Variants in CPNE4 observed in about 807,000 individuals in gnomAD.
The protein encoded by CPNE4 is copine-4.
Under a neutral mutation model 67.9 loss-of-function variants are expected in CPNE4, and 25 were observed. The ratio of observed to expected loss-of-function variants is 0.37; its 90% CI spans 0.27 to 0.51. The LOEUF is 0.51. Among genes scored for constraint, CPNE4 ranks in the 20% least tolerant of loss-of-function variants. The pLI is 0.93. For synonymous variants in CPNE4, 242 were observed against 244.9 expected, an observed-to-expected ratio of 0.99 and a Z score of 0.11; for missense variants, 464 against 690.8, an observed-to-expected ratio of 0.67 and a Z score of 3.68.
Position 131,905,522 on chromosome 3 carries a change from A to T in CPNE4, c.-1-78T>A, listed in dbSNP as rs187581734. 2.3e-6 allele frequency: 3 copies of T among 1,310,416 alleles called. No individual in the cohort carries two copies. In the Admixed American group the frequency reaches 7.7e-5, roughly 34 times the overall value. 81.2% of individuals were successfully genotyped at this position (1,310,416 alleles called of 1,614,324 possible). A position where few individuals can be genotyped will look rare whatever the true frequency, so the allele number is the denominator to read the frequency against. The stretch of plus-strand genomic sequence containing the variant: ...TGTCAAAGGAGAAAGCCTCCCAATC[A>T]CCCTTCAGAAAATTGTTTGACACAC... On this transcript the variant is annotated intron_variant, in intron 1 of 15. Coordinates refer to ENST00000429747, the MANE Select transcript of CPNE4 (RefSeq NM_130808.3).
chr3:131,982,593 T>C (rs2613975), intron 1 of CPNE4, among the ~76,000 whole-genome samples: 9,343 of 152,278 alleles, frequency 0.061, 411 homozygotes, highest in Admixed American at 0.14. Context: ...AACTTTTACT[T>C]TATTATTTGT....
intron 7 of CPNE4, among the ~76,000 whole-genome samples, chr3:131,596,351 G>A (rs1470207330): frequency 8.6e-6 from 1 of 116,774 alleles, no homozygotes; most frequent in Non-Finnish European, 1.7e-5. Context: ...GGCCGGGCGC[G>A]GTGGCTCACG....
At chr3:131,963,432 A>G (rs533213207) in intron 1 of CPNE4, among the ~76,000 whole-genome samples, 1 of 152,090 alleles carries the variant, frequency 6.6e-6, no homozygotes, top group East Asian at 1.9e-4. Context: ...CCAGGGAGCC[A>G]AGTGGTCTCA....
Position 131,696,582 on chromosome 3 carries a change from T to C in CPNE4, c.467A>G (p.Tyr156Cys), listed in dbSNP as rs753436201. The C allele has an allele frequency of 4.3e-6, 7 of 1,613,950 alleles. No homozygotes were observed. In the East Asian group the frequency reaches 6.7e-5, roughly 15 times the overall value. ...IAEELSGNDDYVELAFNARKL... is the reference protein window; with the variant it reads ...IAEELSGNDDCVELAFNARKL... ...CCGTGCATTGAATGCAAGCTCAACA[T>C]AGTCGTCATTGCCAGATAATTCTTC... The change falls in exon 5 of 16, where the codon TAT becomes TGT. Residue 156 changes from tyrosine (Y) to cysteine (C), a missense_variant. Tyr to Cys is a radical substitution (Grantham distance 194). Coordinates refer to ENST00000429747, the MANE Select transcript of CPNE4 (RefSeq NM_130808.3).
intron 2 of CPNE4, among the ~76,000 whole-genome samples, chr3:131,746,427 T>C (rs189936544): frequency 6.6e-6 from 1 of 152,194 alleles, no homozygotes; most frequent in African/African-American, 2.4e-5. Context: ...AGGCCTTCTC[T>C]CCCCTCTTCT....
chr3:131,714,802 C>T (rs183263443), intron 3 of CPNE4, among the ~76,000 whole-genome samples: 63 of 152,272 alleles, frequency 4.1e-4, no homozygotes, highest in Admixed American at 1.0e-3. Context: ...TTGGGAACCA[C>T]TGCCCTGAGA....
At chr3:132,023,518 C>T (rs1458828110) in intron 1 of CPNE4, among the ~76,000 whole-genome samples, 1 of 114,818 alleles carries the variant, frequency 8.7e-6, no homozygotes, top group Non-Finnish European at 1.6e-5. Context: ...GACGGAGTCT[C>T]GCTCTGTCGC....
intron 7 of CPNE4, among the ~76,000 whole-genome samples, chr3:131,636,567 G>A (rs940714618): frequency 1.3e-5 from 2 of 152,124 alleles, no homozygotes; most frequent in African/African-American, 4.8e-5. Flanking sequence ...TTCTGTGGTA[G>A]CTGAAGACAA....
chr3:131,957,610 A>G lies in CPNE4; in HGVS notation c.-1-52166T>C, dbSNP rs996194028. 5.3e-5 allele frequency among the ~76,000 whole-genome samples: 8 copies of G among 152,320 alleles called. No homozygotes were observed. In the East Asian group the frequency reaches 1.5e-3, roughly 29 times the overall value. On this transcript the variant is annotated intron_variant, in intron 1 of 15. Coordinates refer to ENST00000429747, the MANE Select transcript of CPNE4 (RefSeq NM_130808.3). ...GCAAAACAATCCACACTGGGTGGCA[A>G]AGCTCTTCTGACCTCATGCCTTCCA...
At chr3:131,858,070 A>G (rs930993736) in intron 2 of CPNE4, among the ~76,000 whole-genome samples, 1 of 152,122 alleles carries the variant, frequency 6.6e-6, no homozygotes, top group Non-Finnish European at 1.5e-5. Flanking sequence ...TAAAAATATC[A>G]ATGATCCATG....
intron 2 of CPNE4, among the ~76,000 whole-genome samples, chr3:131,903,249 T>C (rs973030662): frequency 1.3e-5 from 2 of 152,108 alleles, no homozygotes; most frequent in African/African-American, 4.8e-5. Flanking sequence ...ATTTGTGCTC[T>C]GATCAGCATG....
At chr3:131,569,235 C>T (rs1937209333) in intron 10 of CPNE4, among the ~76,000 whole-genome samples, 1 of 151,864 alleles carries the variant, frequency 6.6e-6, no homozygotes, top group Non-Finnish European at 1.5e-5. Flanking sequence ...CGAAGGTCTA[C>T]ACCAGAGTAG....
intron 2 of CPNE4, among the ~76,000 whole-genome samples, chr3:131,815,908 C>T (rs1583254432): frequency 6.6e-6 from 1 of 151,982 alleles, no homozygotes; most frequent in South Asian, 2.1e-4. Flanking sequence ...TTTAGCATAA[C>T]ATTGCTACTT....
chr3:131,661,495 A>G (rs893304179), intron 7 of CPNE4, among the ~76,000 whole-genome samples: 1 of 152,180 alleles, frequency 6.6e-6, no homozygotes, highest in Non-Finnish European at 1.5e-5. Flanking sequence ...TGCAGTATTG[A>G]TTTCCGATTT....
chr3:131,707,007 G>A (rs1438330276), intron 3 of CPNE4, among the ~76,000 whole-genome samples: 1 of 152,160 alleles, frequency 6.6e-6, no homozygotes, highest in African/African-American at 2.4e-5. Flanking sequence ...TTGGGCTCAT[G>A]TTCTCAGGTT....
At chr3:132,024,486 T>G (rs1583613786) in intron 1 of CPNE4, among the ~76,000 whole-genome samples, 1 of 82,042 alleles carries the variant, frequency 1.2e-5, no homozygotes, top group South Asian at 4.8e-4. Flanking sequence ...AGCAAAATGG[T>G]TTTTAAGGGT....
intron 1 of CPNE4, among the ~76,000 whole-genome samples, chr3:131,972,315 G>A (rs907242171): frequency 1.3e-5 from 2 of 152,104 alleles, no homozygotes; most frequent in African/African-American, 2.4e-5. Flanking sequence ...TTCTCTGCCC[G>A]ATGAATTCCT....
rs1224491724 is a variant in CPNE4, at chr3:132,034,741, A to T, written c.-176T>A. The T allele has an allele frequency of 1.0e-6, 1 of 984,636 alleles. No individual in the cohort carries two copies. The highest frequency in any genetic ancestry group is 1.8e-5 in the African/African-American group (1 of 56,906). 61.0% of individuals were successfully genotyped at this position (984,636 alleles called of 1,614,324 possible). On this transcript the variant is annotated 5_prime_UTR_variant, in exon 1 of 16. In the 5' UTR this introduces an upstream ATG that the reference lacks. Transcript: ENST00000429747. ...CTCGTCCTCCGAGGTCAGTTTAGCA[A>T]CAGCGGCTGGGAAAGGTGCTGAGAG... is the stretch of plus-strand genomic sequence containing the variant.
chr3:131,943,091 ATATAAAG>A lies in CPNE4; in HGVS notation c.-1-37654_-1-37648del, dbSNP rs1384871266. Among the ~76,000 whole-genome samples, 5 of 152,194 alleles carry A rather than the reference ATATAAAG, an allele frequency of 3.3e-5. No homozygotes were observed. In the South Asian group the frequency reaches 8.3e-4, roughly 25 times the overall value. On this transcript the variant is annotated intron_variant, in intron 1 of 15. Transcript: ENST00000429747. ...GGAATTTACAAAAGTAATAAAGTGG[ATATAAAG>A]TATAATTTGTAACACCCACGGAGGG...
Sources: gnomAD v4.1 joint callset for allele counts (sites outside exome capture counted in the v4.1 genomes callset) on GRCh38, gnomAD v4.1.1 for gene constraint, MANE v1.5 for transcripts, NCBI Gene and HGNC (gene_info 2026-07-23, HGNC 2026-07-21) for gene names.